Variants in TFCP2 observed in about 807,000 individuals in gnomAD.
The protein encoded by TFCP2 is transcription factor CP2.
TFCP2 carries 33 observed loss-of-function variants against 73.4 expected under a neutral mutation model. The ratio of observed to expected loss-of-function variants is 0.45; its 90% CI spans 0.34 to 0.60. The LOEUF is 0.60. Among genes scored for constraint, TFCP2 ranks in the 20% least tolerant of loss-of-function variants. The probability of loss-of-function intolerance (pLI) is 0.01; values close to 1 mark genes in which losing one functional copy is unlikely to be tolerated. For synonymous variants in TFCP2, 193 were observed against 211.6 expected, an observed-to-expected ratio of 0.91 and a Z score of 0.76; for missense variants, 352 against 604.0, an observed-to-expected ratio of 0.58 and a Z score of 4.37.
At chr12:51,147,401 T>C (rs543301744) in intron 1 of TFCP2, among the ~76,000 whole-genome samples, 2 of 152,234 alleles carry the variant, frequency 1.3e-5, no homozygotes, top group South Asian at 4.1e-4. Context: ...GGAACACCAA[T>C]TTGTGTACAC....
chr12:51,172,475 G>A lies in TFCP2; in HGVS notation c.-53C>T, dbSNP rs1025609057. ...ACCGTGTCTTGTACAAAGGCGCGGA[G>A]GGTAATTCTACCCAACAGGAGTAAC... On this transcript the variant is annotated 5_prime_UTR_variant, in exon 1 of 15. Coordinates refer to ENST00000257915, the MANE Select transcript of TFCP2 (RefSeq NM_005653.5). 8 of 1,608,522 alleles carry A rather than the reference G, an allele frequency of 5.0e-6. No individual in the cohort carries two copies. The Admixed American group carries it at 1.0e-4, about 20-fold the overall frequency.
intron 1 of TFCP2, among the ~76,000 whole-genome samples, chr12:51,157,680 TCTTTTC>T (rs1452378007): frequency 1.1e-4 from 6 of 54,998 alleles, no homozygotes; most frequent in East Asian, 4.8e-4. Context: ...TTTTTTCTTT[TCTTTTC>T]TTTTTTTTTT....
Position 51,172,587 on chromosome 12 carries a change from C to G in TFCP2, c.-165G>C. On this transcript the variant is annotated 5_prime_UTR_variant, in exon 1 of 15. Transcript: ENST00000257915. Reference sequence around the variant, plus strand: ...CCGACCAGCACTGCTCTGTGCACAACTAATCTCCCGTACCCTTGGCTGCTC... The same window carrying G: ...CCGACCAGCACTGCTCTGTGCACAAGTAATCTCCCGTACCCTTGGCTGCTC... 2.4e-6 allele frequency: 2 copies of G among 848,946 alleles called. No individual in the cohort carries two copies. The highest frequency in any genetic ancestry group is 3.7e-4 in the Middle Eastern group (1 of 2,696). The allele number at this position is 848,946 out of a possible 1,614,324, so 52.6% of individuals were successfully genotyped here. A position where few individuals can be genotyped will look rare whatever the true frequency, so the allele number is the denominator to read the frequency against.
chr12:51,114,427 A>G (rs1940470979), intron 4 of TFCP2, among the ~76,000 whole-genome samples: 1 of 151,862 alleles, frequency 6.6e-6, no homozygotes, highest in African/African-American at 2.4e-5. Flanking sequence ...CCAACATGGC[A>G]AAACCCTGTC....
At chr12:51,118,007 A>G (rs1473087072) in intron 2 of TFCP2, among the ~76,000 whole-genome samples, 3 of 152,228 alleles carry the variant, frequency 2.0e-5, no homozygotes, top group Non-Finnish European at 4.4e-5. Context: ...AGTTTTAGCA[A>G]CTTGTCCAAG....
intron 2 of TFCP2, among the ~76,000 whole-genome samples, chr12:51,118,333 T>C (rs541706984): frequency 6.6e-6 from 1 of 152,220 alleles, no homozygotes; most frequent in Admixed American, 6.5e-5. Context: ...GGCAGGCGGA[T>C]CATGAGGTCA....
chr12:51,164,919 G>T (rs1299356007), intron 1 of TFCP2, among the ~76,000 whole-genome samples: 3 of 152,112 alleles, frequency 2.0e-5, no homozygotes, highest in African/African-American at 7.2e-5. Flanking sequence ...GTATCACATG[G>T]CTGCATTGGC....
chr12:51,172,185 C>T, intron 1 of TFCP2, 116 bp downstream of exon 1: 1 of 1,411,528 alleles, frequency 7.1e-7, no homozygotes, highest in Non-Finnish European at 9.6e-7. Flanking sequence ...CCCTTTTCCC[C>T]AATCGTAAAC....
chr12:51,150,594 G>A (rs570225598), intron 1 of TFCP2, among the ~76,000 whole-genome samples: 16 of 152,188 alleles, frequency 1.1e-4, no homozygotes, highest in Non-Finnish European at 2.1e-4. Context: ...AGTAACAACT[G>A]ACCAACTCTG....
intron 1 of TFCP2, among the ~76,000 whole-genome samples, chr12:51,168,194 C>T (rs1405935591): frequency 6.6e-6 from 1 of 152,094 alleles, no homozygotes; most frequent in East Asian, 1.9e-4. Context: ...CCAGGAGTTC[C>T]AGAACAGCCT....
At chr12:51,146,223 G>A (rs1315934054) in intron 1 of TFCP2, among the ~76,000 whole-genome samples, 3 of 151,422 alleles carry the variant, frequency 2.0e-5, no homozygotes, top group African/African-American at 7.3e-5. Flanking sequence ...TAGGAGGACT[G>A]CCTGAGCCCA....
intron 1 of TFCP2, among the ~76,000 whole-genome samples, chr12:51,169,345 A>G (rs1391664354): frequency 6.6e-6 from 1 of 151,864 alleles, no homozygotes; most frequent in Admixed American, 6.6e-5. Flanking sequence ...TACTAAAATT[A>G]CAAAAATTAG....
intron 1 of TFCP2, among the ~76,000 whole-genome samples, chr12:51,169,666 T>C (rs1941822500): frequency 6.6e-6 from 1 of 152,208 alleles, no homozygotes; most frequent in Admixed American, 6.5e-5. Context: ...GAAGTTCTAC[T>C]GAGCCGAGAT....
At chr12:51,134,678 TTG>T in intron 1 of TFCP2, among the ~76,000 whole-genome samples, 3 of 152,360 alleles carry the variant, frequency 2.0e-5, no homozygotes, top group Middle Eastern at 6.8e-3. Flanking sequence ...CCTTAGAACT[TTG>T]TACCAATTAA....
chr12:51,124,852 C>A (rs756754388), intron 1 of TFCP2: 1 of 1,295,958 alleles, frequency 7.7e-7, no homozygotes. Flanking sequence ...TGCTGAGCCA[C>A]CTGTTTGGCT....
intron 1 of TFCP2, among the ~76,000 whole-genome samples, chr12:51,145,892 C>T (rs1941289623): frequency 6.6e-6 from 1 of 151,480 alleles, no homozygotes; most frequent in Non-Finnish European, 1.5e-5. Flanking sequence ...TTCGAGGCTG[C>T]AGTGAGCTGT....
intron 1 of TFCP2, among the ~76,000 whole-genome samples, chr12:51,149,546 C>A (rs1347177320): frequency 6.6e-6 from 1 of 152,046 alleles, no homozygotes; most frequent in Admixed American, 6.6e-5. Flanking sequence ...GGAGTAACAG[C>A]ATAACTTAAA....
At chr12:51,109,634 G>A (rs1266391843) in intron 5 of TFCP2, among the ~76,000 whole-genome samples, 1 of 152,052 alleles carries the variant, frequency 6.6e-6, no homozygotes, top group Non-Finnish European at 1.5e-5. Flanking sequence ...CCCAGTCTGG[G>A]AACATAGTAA....
intron 10 of TFCP2, among the ~76,000 whole-genome samples, chr12:51,102,819 G>C (rs186147557): frequency 6.6e-6 from 1 of 151,996 alleles, no homozygotes; most frequent in East Asian, 1.9e-4. Context: ...GTCACTATCA[G>C]AACACTTATC....
Sources: allele counts gnomAD v4.1 joint callset (sites outside exome capture counted in the v4.1 genomes callset), GRCh38; gene constraint gnomAD v4.1.1; transcripts MANE v1.5; gene names NCBI Gene and HGNC (gene_info 2026-07-23, HGNC 2026-07-21).